Variants in SCLY observed in about 807,000 individuals in gnomAD.
SCLY encodes selenocysteine lyase.
Under a neutral mutation model 50.1 loss-of-function variants are expected in SCLY, and 38 were observed. The observed-to-expected ratio is 0.76, with a 90% CI of 0.59 to 0.99. The LOEUF is 0.99. Ranked by LOEUF, SCLY falls within the 50% of genes least tolerant of loss-of-function variation. The probability of loss-of-function intolerance (pLI) is 0.00; values close to 1 mark genes in which losing one functional copy is unlikely to be tolerated. For synonymous variants in SCLY, 243 were observed against 249.4 expected, an observed-to-expected ratio of 0.97 and a Z score of 0.24; for missense variants, 600 against 620.0, an observed-to-expected ratio of 0.97 and a Z score of 0.34.
chr2:238,085,599 C>G (rs532835579), intron 7 of SCLY, among the ~76,000 whole-genome samples: 11 of 151,616 alleles, frequency 7.3e-5, no homozygotes, highest in African/African-American at 2.7e-4. Context: ...TGGTGGCACA[C>G]GCCTATAGTC....
At chr2:238,079,609 G>T (rs189315949) in intron 4 of SCLY, 4 of 152,202 alleles carry the variant, frequency 2.6e-5, no homozygotes, top group Non-Finnish European at 5.9e-5. Flanking sequence ...ATTTTATACA[G>T]TTGCTTTTAA....
At position 238,098,022 on chromosome 2, in the gene SCLY, G is replaced by T. The variant is rs2065458092; in HGVS notation, c.1185-180G>T. The T allele has an allele frequency of 4.4e-6, 3 of 678,528 alleles. No individual in the cohort carries two copies. The East Asian group carries it at 8.5e-5, about 19-fold the overall frequency. The allele number at this position is 678,528 out of a possible 1,614,324, so 42.0% of individuals were successfully genotyped here. Reference sequence around the variant, plus strand: ...CGGGGGCGACTTTGAGCCACACCTTGATGTGGGTGATCTTAGGGGTGTGCT... The same window carrying T: ...CGGGGGCGACTTTGAGCCACACCTTTATGTGGGTGATCTTAGGGGTGTGCT... On this transcript the variant is annotated intron_variant, in intron 11 of 11. Transcript: ENST00000254663.
intron 4 of SCLY, among the ~76,000 whole-genome samples, chr2:238,071,603 A>G (rs1334256238): frequency 6.6e-6 from 1 of 152,162 alleles, no homozygotes; most frequent in Non-Finnish European, 1.5e-5. Flanking sequence ...AGGGTGAGAC[A>G]CTGTCTCCAA....
chr2:238,087,804 A>G (rs1462605854), intron 7 of SCLY, among the ~76,000 whole-genome samples: 1 of 152,214 alleles, frequency 6.6e-6, no homozygotes, highest in Non-Finnish European at 1.5e-5. Flanking sequence ...AAAGAATTAT[A>G]CACTGCTGGG....
intron 9 of SCLY, chr2:238,094,174 G>C (rs1009192981): frequency 1.3e-4 from 79 of 612,274 alleles, no homozygotes; most frequent in African/African-American, 1.2e-3. Context: ...CAGAGACACA[G>C]GATCAAATAT....
chr2:238,070,644 C>T (rs1279288283), intron 4 of SCLY, among the ~76,000 whole-genome samples: 1 of 152,028 alleles, frequency 6.6e-6, no homozygotes, highest in Non-Finnish European at 1.5e-5. Context: ...CCATTGTACT[C>T]CAGCCTGGGA....
rs1409108422 is a variant in SCLY, at chr2:238,067,638, C to T, written c.203-427C>T. ...AAATGAGATATGGCACTGGACTTCGCGTCGAGTCATGAGTTCTGTTTTTGC... is the reference window on the plus strand; with the variant it reads ...AAATGAGATATGGCACTGGACTTCGTGTCGAGTCATGAGTTCTGTTTTTGC... On this transcript the variant is annotated intron_variant, in intron 2 of 11. Transcript: ENST00000254663. This position sits in a 1 kb window ranked among gnomAD's most constrained non-coding sequence, Gnocchi z 4.3. Among the ~76,000 whole-genome samples the T allele has an allele frequency of 1.3e-5, 2 of 152,234 alleles. No individual in the cohort carries two copies. The highest frequency in any genetic ancestry group is 2.1e-4 in the South Asian group (1 of 4,832).
At position 238,066,534 on chromosome 2, in the gene SCLY, G is replaced by A. The variant is rs1316384952; in HGVS notation, c.203-1531G>A. Among the ~76,000 whole-genome samples, 1 of 152,194 alleles carries A rather than the reference G, an allele frequency of 6.6e-6. No homozygotes were observed. Among genetic ancestry groups the A allele is most frequent in the Non-Finnish European group, 1.5e-5 (1 of 68,036 alleles). On this transcript the variant is annotated intron_variant, in intron 2 of 11. Transcript: ENST00000254663. The surrounding 1 kb of genome is among the most constrained non-coding windows in gnomAD (Gnocchi z 4.1). ...TACTTTGTCCACTATGTGGAGAATG[G>A]ACCCTGGTGGGGGCCTGCTAGGAGA...
chr2:238,065,203 C>T (rs1016609864), intron 2 of SCLY: 4 of 152,212 alleles, frequency 2.6e-5, no homozygotes, highest in African/African-American at 9.7e-5. Context: ...TATCCATTTG[C>T]TTATTAAACG....
At chr2:238,081,975 C>T (rs2065242414) in intron 5 of SCLY, 70 bp from the exon 6 acceptor site, 1 of 1,582,740 alleles carries the variant, frequency 6.3e-7, no homozygotes. Flanking sequence ...GCGCTCACTA[C>T]TCCTGATTTC....
chr2:238,091,203 C>A lies in SCLY; in HGVS notation c.885-15C>A. 1.2e-6 allele frequency: 2 copies of A among 1,610,218 alleles called. No homozygotes were observed. The highest frequency in any genetic ancestry group is 2.2e-5 in the East Asian group (1 of 44,856). Reference sequence around the variant, plus strand: ...GACATTTGTTTATTCTTGCTTAATCCCTTGTTTCTTACAGGACAGAGAACA... The same window carrying A: ...GACATTTGTTTATTCTTGCTTAATCACTTGTTTCTTACAGGACAGAGAACA... On this transcript the variant is annotated splice_polypyrimidine_tract_variant and intron_variant, in intron 7 of 11. Coordinates refer to ENST00000254663, the MANE Select transcript of SCLY (RefSeq NM_016510.7).
chr2:238,066,005 A>G lies in SCLY; in HGVS notation c.202+1536A>G, dbSNP rs2065068444. Among the ~76,000 whole-genome samples the G allele has an allele frequency of 6.6e-6, 1 of 152,186 alleles. No homozygotes were observed. Among genetic ancestry groups the G allele is most frequent in the Non-Finnish European group, 1.5e-5 (1 of 68,044 alleles). On this transcript the variant is annotated intron_variant, in intron 2 of 11. Coordinates refer to ENST00000254663, the MANE Select transcript of SCLY (RefSeq NM_016510.7). This position sits in a 1 kb window ranked among gnomAD's most constrained non-coding sequence, Gnocchi z 4.1. ...TATCTAAAGCCTTTGAGGGAAATTT[A>G]TTTTAAGGAATATGTTGAGGATGTG...
At chr2:238,063,347 G>A (rs559867301) in intron 1 of SCLY, among the ~76,000 whole-genome samples, 2 of 151,850 alleles carry the variant, frequency 1.3e-5, no homozygotes, top group African/African-American at 4.8e-5. Flanking sequence ...CTGCCTCCTG[G>A]GTTCAAGCAA....
chr2:238,061,004 C>T lies in SCLY; in HGVS notation c.-51C>T, dbSNP rs1040948345. On this transcript the variant is annotated 5_prime_UTR_variant, in exon 1 of 12. Transcript: ENST00000254663. The stretch of plus-strand genomic sequence containing the variant: ...CGCCTCCTCCCCGGCGCTCTGGGCC[C>T]GTAGCGCTCCGCGGGAAGGAGGCTG... 5.4e-5 allele frequency: 71 copies of T among 1,305,198 alleles called. No individual in the cohort carries two copies. Among genetic ancestry groups the T allele is most frequent in the Middle Eastern group, 2.8e-4 (1 of 3,584 alleles). 80.9% of individuals were successfully genotyped at this position (1,305,198 alleles called of 1,614,324 possible).
intron 1 of SCLY, 146 bp from the exon 2 acceptor site, chr2:238,064,211 C>A: frequency 2.4e-6 from 1 of 410,290 alleles, no homozygotes; most frequent in South Asian, 6.6e-5. Context: ...CCAAGTGCAG[C>A]TTGTGGATGC....
chr2:238,079,963 A>G (rs1236426791), intron 4 of SCLY: 2 of 151,892 alleles, frequency 1.3e-5, no homozygotes, highest in Non-Finnish European at 2.9e-5. Context: ...GGCTCTGTTT[A>G]TCTTTCTCAT....
At chr2:238,093,969 C>T (rs1215759723) in intron 9 of SCLY, 25 bp downstream of exon 9, 12 of 1,604,240 alleles carry the variant, frequency 7.5e-6, no homozygotes, top group Non-Finnish European at 1.0e-5. Context: ...GGGTGGGCAC[C>T]AGGAGGGGGA....
intron 3 of SCLY, among the ~76,000 whole-genome samples, chr2:238,068,458 A>G (rs2065096926): frequency 6.6e-6 from 1 of 152,060 alleles, no homozygotes; most frequent in East Asian, 1.9e-4. Flanking sequence ...CTGAGGTGGC[A>G]GAATCATTTG....
At position 238,064,439 on chromosome 2, in the gene SCLY, T is replaced by C; in HGVS notation, c.172T>C (p.Trp58Arg). The change falls in exon 2 of 12, where the codon TGG (tryptophan) becomes CGG (arginine). Residue 58 changes from tryptophan to arginine, a missense_variant. Coordinates refer to ENST00000254663, the MANE Select transcript of SCLY (RefSeq NM_016510.7). Reference sequence around the variant, plus strand: ...CATGACCAAGGCCATGTGGGAAGCCTGGGGAAATCCCAGCAGCCCGTATTC... The same window carrying C: ...CATGACCAAGGCCATGTGGGAAGCCCGGGGAAATCCCAGCAGCCCGTATTC... Reference protein sequence around the residue: ...QAMTKAMWEAWGNPSSPYSAG... With the variant: ...QAMTKAMWEARGNPSSPYSAG... 6.2e-7 allele frequency: 1 copy of C among 1,609,980 alleles called. No individual in the cohort carries two copies. The highest frequency in any genetic ancestry group is 8.5e-7 in the Non-Finnish European group (1 of 1,178,348).
Sources: gnomAD v4.1 joint callset for allele counts (sites outside exome capture counted in the v4.1 genomes callset) on GRCh38, gnomAD v4.1.1 for gene constraint, Gnocchi (gnomAD v3.1) non-coding constraint, MANE v1.5 for transcripts, NCBI Gene and HGNC (gene_info 2026-07-23, HGNC 2026-07-21) for gene names.